The following ANO4 variants were observed in gnomAD, a reference collection of about 807,000 sequenced individuals.
ANO4 encodes anoctamin-4.
Under a neutral mutation model 141.9 loss-of-function variants are expected in ANO4, and 69 were observed. The ratio of observed to expected loss-of-function variants is 0.49; its 90% CI spans 0.40 to 0.59. The LOEUF (loss-of-function observed/expected upper bound fraction) is 0.59, where lower values mean the gene tolerates loss of function less well. ANO4 is among the 20% of genes least tolerant of loss of function. ANO4 has a pLI of 0.00. For synonymous variants in ANO4, 350 were observed against 394.3 expected, an observed-to-expected ratio of 0.89 and a Z score of 1.33; for missense variants, 894 against 1,162.2, an observed-to-expected ratio of 0.77 and a Z score of 3.36.
intron 9 of ANO4, among the ~76,000 whole-genome samples, chr12:101,034,003 G>A (rs1035662411): frequency 1.3e-5 from 2 of 152,202 alleles, no homozygotes; most frequent in African/African-American, 4.8e-5. Context: ...TGCTGGTGAG[G>A]CTGTGGAGAA....
chr12:100,899,484 G>T (rs1327385914), intron 1 of ANO4, among the ~76,000 whole-genome samples: 1 of 152,204 alleles, frequency 6.6e-6, no homozygotes, highest in African/African-American at 2.4e-5. Flanking sequence ...TGTCAGGACT[G>T]TCTGGCGGTG....
chr12:101,008,142 C>T (rs2045944819), intron 8 of ANO4, among the ~76,000 whole-genome samples: 1 of 152,068 alleles, frequency 6.6e-6, no homozygotes, highest in South Asian at 2.1e-4. Context: ...TGTTAGTTAT[C>T]TTTGACAAAT....
At chr12:100,903,233 G>A (rs1428245754) in intron 2 of ANO4, among the ~76,000 whole-genome samples, 1 of 152,100 alleles carries the variant, frequency 6.6e-6, no homozygotes, top group Non-Finnish European at 1.5e-5. Flanking sequence ...CCAGACCAAG[G>A]TGGACAACCC....
chr12:100,833,172 T>C (rs1381874137), intron 1 of ANO4, among the ~76,000 whole-genome samples: 2 of 151,952 alleles, frequency 1.3e-5, no homozygotes, highest in Admixed American at 1.3e-4. Flanking sequence ...AATGAAAAAA[T>C]GTAACTTATG....
At chr12:100,832,339 T>C (rs1012970435) in intron 1 of ANO4, among the ~76,000 whole-genome samples, 1 of 152,162 alleles carries the variant, frequency 6.6e-6, no homozygotes, top group African/African-American at 2.4e-5. Context: ...TGACTAAAAC[T>C]GTCTCTGCTA....
intron 22 of ANO4, among the ~76,000 whole-genome samples, chr12:101,102,966 G>A (rs993663802): frequency 6.6e-6 from 1 of 151,332 alleles, no homozygotes; most frequent in Admixed American, 6.6e-5. Context: ...AGGAATCTTT[G>A]TGCAACTGCA....
At chr12:100,955,895 G>C (rs917603302) in intron 5 of ANO4, among the ~76,000 whole-genome samples, 1 of 152,118 alleles carries the variant, frequency 6.6e-6, no homozygotes. Flanking sequence ...AGGCCTTAGG[G>C]CTCCTCTGTG....
rs113800104 is a variant in ANO4 at position 100,752,594 on chromosome 12, G to A, written c.358+12489G>A. On this transcript the variant is annotated intron_variant, in intron 3 of 29. Coordinates refer to the ANO4 transcript ENST00000644049. ...CCTTTGGAAACCTTATAGGGGTCAC[G>A]CAATCTTTTTTTAATGTGTGTGTGT... 1.8e-3 allele frequency among the ~76,000 whole-genome samples: 279 copies of A among 152,128 alleles called. 1 individual carries two copies. The highest frequency in any genetic ancestry group is 5.6e-3 in the African/African-American group (232 of 41,522).
intron 14 of ANO4, among the ~76,000 whole-genome samples, chr12:101,075,341 A>G (rs913676856): frequency 1.3e-5 from 2 of 152,154 alleles, no homozygotes; most frequent in African/African-American, 2.4e-5. Flanking sequence ...ATTTTATTCT[A>G]TAGGTGATGT....
chr12:100,864,142 A>G (rs1362675065), intron 1 of ANO4, among the ~76,000 whole-genome samples: 1 of 152,168 alleles, frequency 6.6e-6, no homozygotes. Flanking sequence ...CAGAAGTCCC[A>G]AAATATGACT....
upstream of ANO4, among the ~76,000 whole-genome samples, chr12:100,792,848 T>C (rs2034095479): frequency 6.6e-6 from 1 of 152,254 alleles, no homozygotes; most frequent in Admixed American, 6.5e-5. Flanking sequence ...CTGCCCATGC[T>C]TTTACAGTGT....
chr12:100,925,812 T>TACAC, intron 3 of ANO4, among the ~76,000 whole-genome samples: 1 of 147,880 alleles, frequency 6.8e-6, no homozygotes, highest in East Asian at 2.0e-4. Flanking sequence ...TATACATACA[T>TACAC]ATACATACAT....
chr12:100,993,019 C>T (rs761328626), intron 8 of ANO4, among the ~76,000 whole-genome samples: 1 of 152,070 alleles, frequency 6.6e-6, no homozygotes, highest in Non-Finnish European at 1.5e-5. Context: ...GAGTGACACC[C>T]ATCTTTACAA....
At chr12:100,742,999 A>G (rs1301142866) in intron 3 of ANO4, among the ~76,000 whole-genome samples, 1 of 152,102 alleles carries the variant, frequency 6.6e-6, no homozygotes, top group Non-Finnish European at 1.5e-5. Flanking sequence ...CCATCTATCC[A>G]TCCATCCACT....
At chr12:100,747,312 G>T (rs938498907) in intron 3 of ANO4, among the ~76,000 whole-genome samples, 4 of 152,056 alleles carry the variant, frequency 2.6e-5, no homozygotes. Flanking sequence ...AACATGGGGG[G>T]AATTTTTTTC....
rs775734372 is a variant in ANO4, at chr12:100,971,333, T to G, written c.484T>G (p.Phe162Val). The change falls in exon 6 of 28, where the codon TTT (phenylalanine) becomes GTT (valine). Residue 162 changes from phenylalanine to valine, a missense_variant. Transcript: ENST00000392977. ...ESSLINSDIIFVKLHAPWEVL... is the reference protein window; with the variant it reads ...ESSLINSDIIVVKLHAPWEVL... ...CTCTCTAATAAATAGTGACATTATC[T>G]TTGTGAAGTTGCATGCCCCATGGGA... The G allele has an allele frequency of 6.2e-7, 1 of 1,611,706 alleles. No homozygotes were observed. The highest frequency in any genetic ancestry group is 1.1e-5 in the South Asian group (1 of 90,840).
intron 25 of ANO4, among the ~76,000 whole-genome samples, chr12:101,118,268 TAC>T (rs1247950967): frequency 1.3e-5 from 2 of 152,164 alleles, no homozygotes; most frequent in African/African-American, 2.4e-5. Context: ...AAGATAAAAA[TAC>T]AGAGTCTTTC....
At chr12:100,826,807 A>G (rs992125046) in intron 1 of ANO4, among the ~76,000 whole-genome samples, 2 of 152,044 alleles carry the variant, frequency 1.3e-5, no homozygotes, top group African/African-American at 4.8e-5. Flanking sequence ...GTCAATGGCA[A>G]CTACATCCTT....
At chr12:100,872,661 C>T (rs565719335) in intron 1 of ANO4, among the ~76,000 whole-genome samples, 1 of 152,308 alleles carries the variant, frequency 6.6e-6, no homozygotes, top group East Asian at 1.9e-4. Flanking sequence ...CACAAATGAC[C>T]TGCTTTTTAC....
Sources: gnomAD v4.1 joint callset for allele counts (sites outside exome capture counted in the v4.1 genomes callset) on GRCh38, gnomAD v4.1.1 for gene constraint, MANE v1.5 for transcripts, NCBI Gene and HGNC (gene_info 2026-07-23, HGNC 2026-07-21) for gene names.